Variants in NSD1 observed in about 807,000 individuals in gnomAD.
NSD1 encodes the protein histone-lysine N-methyltransferase, H3 lysine-36 specific.
Under a neutral mutation model 242.7 loss-of-function variants are expected in NSD1, and 26 were observed. The observed-to-expected ratio is 0.11, with a 90% CI of 0.08 to 0.15. The LOEUF (loss-of-function observed/expected upper bound fraction) is 0.15. NSD1 is among the 10% of genes least tolerant of loss of function. The pLI is 1.00. For synonymous variants in NSD1, 1,106 were observed against 1,178.1 expected (o/e 0.94, Z 1.25); for missense variants, 2,495 against 3,272.8 (o/e 0.76, Z 5.80).
intron 2 of NSD1, among the ~76,000 whole-genome samples, chr5:177,151,373 G>C (rs1448734197): frequency 6.6e-6 from 1 of 152,062 alleles, no homozygotes; most frequent in Non-Finnish European, 1.5e-5. Context: ...AACACAGCGA[G>C]ACTCAGTCTT....
rs11955437 is a variant in NSD1 at position 177,275,336 on chromosome 5, C to T, written c.5622+1552C>T. Among the ~76,000 whole-genome samples, 1,358 of 150,078 alleles carry T rather than the reference C, an allele frequency of 9.0e-3. 19 individuals are homozygous for T. The highest frequency in any genetic ancestry group is 0.032 in the African/African-American group (1,285 of 40,752). On this transcript the variant is annotated intron_variant, in intron 17 of 22. Coordinates refer to ENST00000439151, the MANE Select transcript of NSD1 (RefSeq NM_022455.5). Reference sequence around the variant, plus strand: ...GACGGTCTTTTATACTTTTTTTAAACGACAATGCAGTACTTTGGGTAATGC... The same window carrying T: ...GACGGTCTTTTATACTTTTTTTAAATGACAATGCAGTACTTTGGGTAATGC...
chr5:177,290,035 A>G (rs189454648), intron 21 of NSD1, among the ~76,000 whole-genome samples: 187 of 151,684 alleles, frequency 1.2e-3, no homozygotes, highest in Admixed American at 5.6e-3. Context: ...CACTGTTGTT[A>G]GCCAGGTTGG....
chr5:177,201,562 CT>C lies in NSD1; in HGVS notation c.1064-2542del, dbSNP rs754318510. 7.5e-3 allele frequency among the ~76,000 whole-genome samples: 951 copies of C among 127,256 alleles called. 8 individuals carry two copies. Among genetic ancestry groups the C allele is most frequent in the African/African-American group, 0.024 (822 of 34,974 alleles). The allele number at this position is 127,256 out of a possible 152,430, so 83.5% of individuals were successfully genotyped here. On this transcript the variant is annotated intron_variant, in intron 3 of 22. Transcript: ENST00000439151. The stretch of plus-strand genomic sequence containing the variant: ...CTATAATTCTATCTTTAACTGTTTA[CT>C]TTTTTTTTTTTTTTTGAGATGGTGT...
intron 6 of NSD1, among the ~76,000 whole-genome samples, chr5:177,237,857 A>G (rs1295794018): frequency 1.3e-5 from 2 of 152,122 alleles, no homozygotes; most frequent in Non-Finnish European, 2.9e-5. Context: ...TTAAGTGTAC[A>G]GTTCAGTAGC....
At position 177,269,985 on chromosome 5, in the gene NSD1, A is replaced by G. The variant is rs181175144; in HGVS notation, c.5509+178A>G. On this transcript the variant is annotated intron_variant, in intron 16 of 22. Transcript: ENST00000439151. This position sits in a 1 kb window ranked among gnomAD's most constrained non-coding sequence, Gnocchi z 5.1. Reference sequence around the variant, plus strand: ...TGACCCATGTAACTCATTATTTTTGAGCCTTAACCTTTACTTAATTTGAAT... The same window carrying G: ...TGACCCATGTAACTCATTATTTTTGGGCCTTAACCTTTACTTAATTTGAAT... 3.3e-4 allele frequency among the ~76,000 whole-genome samples: 51 copies of G among 152,256 alleles called. No individual in the cohort carries two copies. The highest frequency in any genetic ancestry group is 1.2e-3 in the African/African-American group (51 of 41,550).
rs1763360654 is a variant in NSD1, at chr5:177,211,743, A to G, written c.3344A>G (p.Lys1115Arg). The change falls in exon 5 of 23, where the codon AAG (lysine) becomes AGG (arginine). Residue 1115 changes from lysine to arginine, a missense_variant. Lys to Arg is a conservative substitution (Grantham distance 26). This residue lies in a region of NSD1 where 426 missense variants were observed against 411.4 expected (regional missense o/e 1.04). Coordinates refer to ENST00000439151, the MANE Select transcript of NSD1 (RefSeq NM_022455.5). ...FSDVHFDSKV[K>R]QSDPGKISEK... is the part of the protein sequence containing the mutation. ...GATGTGCATTTCGATAGCAAGGTTA[A>G]GCAATCTGATCCTGGTAAAATTTCT... 5 of 1,614,026 alleles carry G rather than the reference A, an allele frequency of 3.1e-6. No homozygotes were observed. Among genetic ancestry groups the G allele is most frequent in the Middle Eastern group, 1.6e-4 (1 of 6,084 alleles).
intron 2 of NSD1, among the ~76,000 whole-genome samples, chr5:177,189,742 AG>A (rs1231139656): frequency 6.6e-6 from 1 of 152,216 alleles, no homozygotes; most frequent in East Asian, 1.9e-4. Flanking sequence ...TGAATAAATA[AG>A]CAAGTTCCAT....
intron 5 of NSD1, among the ~76,000 whole-genome samples, chr5:177,217,655 A>G (rs1394500239): frequency 6.8e-6 from 1 of 146,656 alleles, no homozygotes; most frequent in East Asian, 2.0e-4. Flanking sequence ...GTTTTTGGAC[A>G]GCGTCACATT....
intron 5 of NSD1, among the ~76,000 whole-genome samples, chr5:177,226,091 G>T (rs549880853): frequency 1.6e-4 from 24 of 152,132 alleles, no homozygotes; most frequent in Non-Finnish European, 1.5e-5. Context: ...TTGTTGCTTA[G>T]GCTGGAGTGT....
intron 2 of NSD1, among the ~76,000 whole-genome samples, chr5:177,186,434 GAACATA>G (rs1196427439): frequency 6.6e-6 from 1 of 151,976 alleles, no homozygotes; most frequent in Non-Finnish European, 1.5e-5. Context: ...ATATGACCAG[GAACATA>G]GTTGAACCGG....
rs199617324 is a variant in NSD1 at position 177,165,919 on chromosome 5, T to TC, written c.928-25965_928-25964insC. Among the ~76,000 whole-genome samples the TC allele has an allele frequency of 2.8e-3, 426 of 151,162 alleles. 2 individuals are homozygous for TC. Among genetic ancestry groups the TC allele is most frequent in the Non-Finnish European group, 4.0e-3 (272 of 67,792 alleles). On this transcript the variant is annotated intron_variant, in intron 2 of 22. Transcript: ENST00000439151. ...GCTCCCAGCCCACAATCTTTTTTTT[T>TC]TTTTTTTTGAGATGGAGTCTCGCTC...
chr5:177,213,449 C>T (rs1287627035), intron 5 of NSD1, among the ~76,000 whole-genome samples: 1 of 152,096 alleles, frequency 6.6e-6, no homozygotes, highest in Non-Finnish European at 1.5e-5. Flanking sequence ...GAACTCTTGT[C>T]AATCTGCCTT....
chr5:177,183,003 C>G (rs984706095), intron 2 of NSD1, among the ~76,000 whole-genome samples: 2 of 152,088 alleles, frequency 1.3e-5, no homozygotes, highest in Non-Finnish European at 2.9e-5. Flanking sequence ...TCCTGAAGTC[C>G]TAGGCCCGAG....
chr5:177,218,618 C>T (rs1409731313), intron 5 of NSD1, among the ~76,000 whole-genome samples: 6 of 149,296 alleles, frequency 4.0e-5, no homozygotes, highest in South Asian at 4.2e-4. Flanking sequence ...CCCAGGCTGG[C>T]GTGCCGTGGC....
At position 177,166,830 on chromosome 5, in the gene NSD1, T is replaced by G. The variant is rs796532464; in HGVS notation, c.928-25054T>G. On this transcript the variant is annotated intron_variant, in intron 2 of 22. Transcript: ENST00000439151. ...GATCTCGGCTCACTGACATGGCTGC[T>G]TCCTGGGTTCAAGCAATTCTCTTGC... Among the ~76,000 whole-genome samples the G allele has an allele frequency of 4.0e-5, 6 of 151,552 alleles. No homozygotes were observed. In the East Asian group the frequency reaches 9.7e-4, roughly 25 times the overall value.
chr5:177,209,583 C>A, intron 4 of NSD1, 53 bp from the exon 5 acceptor site: 1 of 1,320,992 alleles, frequency 7.6e-7, no homozygotes, highest in Non-Finnish European at 1.1e-6. Flanking sequence ...TCTCCCTTTT[C>A]CCCCACCCAT....
intron 2 of NSD1, among the ~76,000 whole-genome samples, chr5:177,181,042 CTT>C (rs549075279): frequency 1.8e-4 from 23 of 126,790 alleles, no homozygotes; most frequent in Admixed American, 1.6e-4. Flanking sequence ...AATGTGGTTT[CTT>C]TTTTTTTTTT....
At chr5:177,250,562 GTT>G (rs34022431) in intron 11 of NSD1, among the ~76,000 whole-genome samples, 4,580 of 140,244 alleles carry the variant, frequency 0.033, 94 homozygotes, top group South Asian at 0.058. Flanking sequence ...CTGAAGGTCA[GTT>G]TTTTTTTTTT....
At chr5:177,265,130 C>A in intron 14 of NSD1, 1 of 756,236 alleles carries the variant, frequency 1.3e-6, no homozygotes. Context: ...GAAAGTTAAC[C>A]TGGGTTCAAC....
Sources: allele counts gnomAD v4.1 joint callset (sites outside exome capture counted in the v4.1 genomes callset), GRCh38; gene constraint gnomAD v4.1.1; regional missense constraint gnomAD v4.1.1; non-coding constraint Gnocchi (gnomAD v3.1); transcripts MANE v1.5; gene names NCBI Gene and HGNC (gene_info 2026-07-23, HGNC 2026-07-21).